SLC39A12: variants seen among roughly 807,000 people sequenced by gnomAD.
SLC39A12 encodes solute carrier family 39 member 12.
SLC39A12 carries 63 observed loss-of-function variants against 71.1 expected under a neutral mutation model. The observed-to-expected ratio is 0.89, with a 90% CI of 0.72 to 1.09. The LOEUF is 1.09. Ranked by LOEUF, SLC39A12 falls within the 50% of genes least tolerant of loss-of-function variation. SLC39A12 has a pLI of 0.00. For synonymous variants in SLC39A12, 351 were observed against 301.3 expected (o/e 1.16, Z -1.71); for missense variants, 892 against 812.6 (o/e 1.10, Z -1.19).
intron 3 of SLC39A12, among the ~76,000 whole-genome samples, chr10:17,962,557 T>TG (rs1373243878): frequency 1.4e-4 from 21 of 152,124 alleles, no homozygotes; most frequent in African/African-American, 5.1e-4. Context: ...CGGGTTTTTT[T>TG]TTTTTTAAAG....
intron 10 of SLC39A12, among the ~76,000 whole-genome samples, chr10:17,998,852 A>G (rs1564651780): frequency 1.3e-5 from 2 of 152,252 alleles, no homozygotes; most frequent in Non-Finnish European, 2.9e-5. Flanking sequence ...AAACCACATT[A>G]TAATGCAATC....
At position 17,989,481 on chromosome 10, in the gene SLC39A12, C is replaced by T. The variant is rs534772608; in HGVS notation, c.1270-1670C>T. 3.9e-5 allele frequency among the ~76,000 whole-genome samples: 6 copies of T among 152,104 alleles called. No homozygotes were observed. The East Asian group carries it at 1.2e-3, about 29-fold the overall frequency. On this transcript the variant is annotated intron_variant, in intron 7 of 12. Transcript: ENST00000377369. Reference sequence around the variant, plus strand: ...CAGGAGTCTGGGAAGCAGAAAAAGGCTCTCAGGTCAGCCTGAGTCTCCCCC... The same window carrying T: ...CAGGAGTCTGGGAAGCAGAAAAAGGTTCTCAGGTCAGCCTGAGTCTCCCCC...
At chr10:18,011,519 G>A (rs919656329) in intron 12 of SLC39A12, among the ~76,000 whole-genome samples, 1 of 152,200 alleles carries the variant, frequency 6.6e-6, no homozygotes, top group African/African-American at 2.4e-5. Flanking sequence ...CCAGCAGTAG[G>A]CTATAAGTCG....
At chr10:18,001,519 GAAAAAC>G (rs367885035) in intron 11 of SLC39A12, among the ~76,000 whole-genome samples, 15 of 151,906 alleles carry the variant, frequency 9.9e-5, no homozygotes, top group African/African-American at 2.4e-4. Flanking sequence ...ATCTCAAAAA[GAAAAAC>G]AAAAACAAAA....
chr10:18,011,930 T>G (rs893533732), intron 12 of SLC39A12, among the ~76,000 whole-genome samples: 1 of 152,232 alleles, frequency 6.6e-6, no homozygotes, highest in Non-Finnish European at 1.5e-5. Context: ...AGCTGAAGAT[T>G]TTAAAACAAC....
At chr10:17,974,516 T>C (rs556957712) in intron 4 of SLC39A12, among the ~76,000 whole-genome samples, 14 of 152,342 alleles carry the variant, frequency 9.2e-5, no homozygotes, top group African/African-American at 3.4e-4. Context: ...ACACCGTAGT[T>C]CTTGCAGACT....
At chr10:18,029,319 A>C (rs1043389112) in intron 12 of SLC39A12, among the ~76,000 whole-genome samples, 6 of 152,218 alleles carry the variant, frequency 3.9e-5, no homozygotes, top group Non-Finnish European at 8.8e-5. Flanking sequence ...CTGCATTTTA[A>C]GGAATTTCTT....
intron 5 of SLC39A12, among the ~76,000 whole-genome samples, chr10:17,981,031 G>T (rs529905311): frequency 6.6e-6 from 1 of 152,048 alleles, no homozygotes; most frequent in Non-Finnish European, 1.5e-5. Flanking sequence ...TCAACACATT[G>T]TAAAACACAA....
chr10:17,954,777 G>A (rs72784713), intron 2 of SLC39A12, among the ~76,000 whole-genome samples: 13,476 of 151,878 alleles, frequency 0.089, 761 homozygotes, highest in Non-Finnish European at 0.12. Context: ...GCTAACAACC[G>A]TCTCCAAAAT....
intron 4 of SLC39A12, among the ~76,000 whole-genome samples, chr10:17,967,537 A>G (rs1270286554): frequency 6.6e-6 from 1 of 152,190 alleles, no homozygotes; most frequent in Non-Finnish European, 1.5e-5. Context: ...AGTTTTTAAA[A>G]TAATAACAGT....
At chr10:18,002,436 T>G (rs761895752) in intron 11 of SLC39A12, 2 of 152,234 alleles carry the variant, frequency 1.3e-5, no homozygotes, top group Non-Finnish European at 2.9e-5. Context: ...CCCCCAGTCC[T>G]CAACCCAAAG....
intron 4 of SLC39A12, among the ~76,000 whole-genome samples, chr10:17,969,265 T>C (rs1467733532): frequency 6.6e-6 from 1 of 152,176 alleles, no homozygotes; most frequent in Non-Finnish European, 1.5e-5. Flanking sequence ...AGTGCAGATA[T>C]CTCTTCAATA....
chr10:18,003,254 A>C lies in SLC39A12; in HGVS notation c.1843A>C (p.Met615Leu). The C allele has an allele frequency of 8.7e-6, 14 of 1,614,132 alleles. No homozygotes were observed. Among genetic ancestry groups the C allele is most frequent in the Non-Finnish European group, 1.2e-5 (14 of 1,180,018 alleles). ...TTTTATAAGCTCCCTAACTGCCTTC[A>C]TGGGATTATACATTGGCCTTTCCGT... ...MNFISSLTAF[M>L]GLYIGLSVSA... Residue 615 changes from methionine to leucine, a missense_variant, in exon 12 of 13, where the codon ATG becomes CTG. Transcript: ENST00000377369.
intron 6 of SLC39A12, among the ~76,000 whole-genome samples, chr10:17,986,661 A>G (rs1397684792): frequency 1.3e-5 from 2 of 152,254 alleles, no homozygotes; most frequent in Non-Finnish European, 2.9e-5. Context: ...TTTAGACCAT[A>G]GCAAATCTGT....
rs1834808633 is a variant in SLC39A12 at position 17,965,690 on chromosome 10, G to C, written c.751G>C (p.Glu251Gln). 3 of 1,605,906 alleles carry C rather than the reference G, an allele frequency of 1.9e-6. No individual in the cohort carries two copies. The highest frequency in any genetic ancestry group is 2.6e-6 in the Non-Finnish European group (3 of 1,173,408). Residue 251 changes from glutamate (E) to glutamine (Q), a missense_variant and splice_region_variant, in exon 4 of 13, where the codon GAA becomes CAA. Transcript: ENST00000377369. ...LNRTNTLRLS[E>Q]LDQLLNTLWT... ...TCGTACGAATACCCTCCGCCTATCAGGTAAGGATGTTTTCACGAATTTAAC... is the reference window on the plus strand; with the variant it reads ...TCGTACGAATACCCTCCGCCTATCACGTAAGGATGTTTTCACGAATTTAAC...
chr10:18,009,978 A>T (rs1179517690), intron 12 of SLC39A12, among the ~76,000 whole-genome samples: 1 of 152,198 alleles, frequency 6.6e-6, no homozygotes, highest in African/African-American at 2.4e-5. Flanking sequence ...TGAGTGACAA[A>T]CATCCACCTT....
rs141497483 is a variant in SLC39A12, at chr10:17,978,065, C to G, written c.915C>G (p.Ser305=). ...AAGAGTCTGAGGATGGTCCAGTTTC[C>G]TGGGATCAGGTATTGCCATTGTTTC... ...MEKESEDGPV[S]WDQTCFSARQ... The change falls in exon 5 of 13, where the codon TCC becomes TCG. Residue 305 remains serine, a synonymous_variant. Transcript: ENST00000377369. 2.6e-5 allele frequency: 41 copies of G among 1,583,560 alleles called. No homozygotes were observed. Among genetic ancestry groups the G allele is most frequent in the Non-Finnish European group, 3.5e-5 (41 of 1,169,082 alleles).
chr10:18,011,202 G>T (rs1836210803), intron 12 of SLC39A12, among the ~76,000 whole-genome samples: 1 of 151,946 alleles, frequency 6.6e-6, no homozygotes. Flanking sequence ...CAATTATCCT[G>T]CCTCAGCCTC....
chr10:17,963,805 C>T lies in SLC39A12; in HGVS notation c.544-1678C>T, dbSNP rs904954752. On this transcript the variant is annotated intron_variant, in intron 3 of 12. Coordinates refer to ENST00000377369, the MANE Select transcript of SLC39A12 (RefSeq NM_001145195.2). ...TGGTCTGCACGGGACCCAGCTTCCA[C>T]AGATCAAGTCACTAACGGCTGCTCC... is the stretch of plus-strand genomic sequence containing the variant. Among the ~76,000 whole-genome samples, 14 of 152,178 alleles carry T rather than the reference C, an allele frequency of 9.2e-5. 1 individual carries two copies. The highest frequency in any genetic ancestry group is 9.2e-4 in the Admixed American group (14 of 15,268).
Sources: gnomAD v4.1 joint callset for allele counts (sites outside exome capture counted in the v4.1 genomes callset) on GRCh38, gnomAD v4.1.1 for gene constraint, MANE v1.5 for transcripts, NCBI Gene and HGNC (gene_info 2026-07-23, HGNC 2026-07-21) for gene names.